Variants in PSME4 observed in about 807,000 individuals in gnomAD.
The protein encoded by PSME4 is proteasome activator subunit 4, also known as proteasome activator complex subunit 4.
In PSME4, 89 loss-of-function variants were observed where a neutral mutation model predicts 253.9. That is an observed-to-expected ratio of 0.35 (90% CI 0.30 to 0.42). PSME4 has a LOEUF of 0.42. Among genes scored for constraint, PSME4 ranks in the 10% least tolerant of loss-of-function variants. The probability of loss-of-function intolerance (pLI) is 1.00; values close to 1 mark genes in which losing one functional copy is unlikely to be tolerated. For missense variants in PSME4, 2,014 were observed against 2,195.2 expected (o/e 0.92, Z 1.65); for synonymous variants, 851 against 759.2 (o/e 1.12, Z -1.99).
chr2:53,876,389 G>A (rs1270921809), intron 41 of PSME4, among the ~76,000 whole-genome samples: 2 of 151,874 alleles, frequency 1.3e-5, no homozygotes, highest in East Asian at 3.9e-4. Context: ...GTATTCCTTG[G>A]CCCCAGTAAG....
At chr2:53,914,764 C>G (rs1326011816) in intron 20 of PSME4, among the ~76,000 whole-genome samples, 1 of 152,060 alleles carries the variant, frequency 6.6e-6, no homozygotes, top group African/African-American at 2.4e-5. Flanking sequence ...GCCTGTAATC[C>G]CAGCTACTCG....
At chr2:53,921,898 C>T (rs1280701532) in intron 17 of PSME4, among the ~76,000 whole-genome samples, 6 of 147,216 alleles carry the variant, frequency 4.1e-5, no homozygotes, top group East Asian at 4.1e-4. Context: ...TTGGGCCAGG[C>T]GCGGTGGCTC....
In PSME4 at chr2:53,908,774, A is replaced by G; in HGVS notation, c.2629+10T>C. 1 of 1,582,086 alleles carries G rather than the reference A, an allele frequency of 6.3e-7. No individual in the cohort carries two copies. Among genetic ancestry groups the G allele is most frequent in the Non-Finnish European group, 8.7e-7 (1 of 1,154,666 alleles). Reference sequence around the variant, plus strand: ...AAGTACAAATAAGTTAAATGTACAGATACACTTACTAAGAAGTTTCCTTAT... The same window carrying G: ...AAGTACAAATAAGTTAAATGTACAGGTACACTTACTAAGAAGTTTCCTTAT... On this transcript the variant is annotated intron_variant, in intron 22 of 46. Coordinates refer to ENST00000404125, the MANE Select transcript of PSME4 (RefSeq NM_014614.3).
chr2:53,917,428 T>C (rs1668110686), intron 20 of PSME4, among the ~76,000 whole-genome samples: 1 of 152,202 alleles, frequency 6.6e-6, no homozygotes, highest in Non-Finnish European at 1.5e-5. Context: ...TTTGTCATGA[T>C]GCACATTTAT....
At chr2:53,909,115 T>G (rs1261438478) in intron 21 of PSME4, among the ~76,000 whole-genome samples, 1 of 152,088 alleles carries the variant, frequency 6.6e-6, no homozygotes, top group Non-Finnish European at 1.5e-5. Flanking sequence ...TAAAACTTCA[T>G]GGGGCAAGAA....
rs183629992 is a variant in PSME4 at position 53,896,870 on chromosome 2, C to T, written c.3622G>A (p.Val1208Ile). ...TTTAGCTGTTTAAGGATACCAGCAA[C>T]AGCTGAGATAGCCATCTAGAAAAGG... Reference protein sequence around the residue: ...IVVRKMAISAVAGILKQLKRT... With the variant: ...IVVRKMAISAIAGILKQLKRT... The change falls in exon 32 of 47, where the codon GTT becomes ATT. Residue 1208 changes from valine to isoleucine, a missense_variant. Physicochemically the swap from Val to Ile is conservative, Grantham distance 29. This residue lies in a region of PSME4 where 989 missense variants were observed against 1,021.1 expected (regional missense o/e 0.97). Transcript: ENST00000404125. The T allele has an allele frequency of 1.2e-6, 2 of 1,611,546 alleles. No individual in the cohort carries two copies. Among genetic ancestry groups the T allele is most frequent in the Non-Finnish European group, 1.7e-6 (2 of 1,177,798 alleles).
intron 27 of PSME4, among the ~76,000 whole-genome samples, chr2:53,903,404 C>G (rs182747857): frequency 1.3e-5 from 2 of 152,266 alleles, no homozygotes. Flanking sequence ...CGTTCTCACT[C>G]TTAATTCACT....
chr2:53,927,576 TATCTTG>T, intron 11 of PSME4, 93 bp from the exon 12 acceptor site: 2 of 905,234 alleles, frequency 2.2e-6, no homozygotes, highest in Non-Finnish European at 3.6e-6. Context: ...CCCAATAAAT[TATCTTG>T]ATCAAAATCC....
chr2:53,949,120 G>T lies in PSME4; in HGVS notation c.383+23C>A, dbSNP rs369845179. 43 of 1,562,158 alleles carry T rather than the reference G, an allele frequency of 2.8e-5. No individual in the cohort carries two copies. In the African/African-American group the frequency reaches 4.4e-4, roughly 16 times the overall value. ...CTGAAGAAACAAACAAACCTTAACA[G>T]AAACCTCTGGAAAAAGACTTACTTT... is the stretch of plus-strand genomic sequence containing the variant. On this transcript the variant is annotated intron_variant, in intron 2 of 46. Coordinates refer to ENST00000404125, the MANE Select transcript of PSME4 (RefSeq NM_014614.3).
intron 1 of PSME4, among the ~76,000 whole-genome samples, chr2:53,964,818 T>C (rs1388207695): frequency 6.6e-6 from 1 of 152,192 alleles, no homozygotes; most frequent in African/African-American, 2.4e-5. Flanking sequence ...TTTCTGGTGG[T>C]TACATAATCT....
chr2:53,937,458 C>T lies in PSME4; in HGVS notation c.628G>A (p.Ala210Thr). The change falls in exon 5 of 47, where the codon GCC becomes ACC. Residue 210 changes from alanine to threonine, a missense_variant. Around this residue, in one of 4 missense-constraint regions of PSME4, gnomAD observed 615 missense variants for 594.4 expected, o/e 1.03. Transcript: ENST00000404125. The stretch of plus-strand genomic sequence containing the variant: ...AGAAATATTTCAAAATAAGTGATGG[C>T]CTTTTGCATGGTTACATCAAAAGGG... ...MCPFDVTMQK[A>T]ITYFEIFLPT... is the part of the protein sequence containing the mutation. 8 of 1,610,114 alleles carry T rather than the reference C, an allele frequency of 5.0e-6. No homozygotes were observed. The highest frequency in any genetic ancestry group is 2.2e-5 in the East Asian group (1 of 44,760).
At position 53,920,274 on chromosome 2, in the gene PSME4, G is replaced by A. The variant is rs1272342873; in HGVS notation, c.2339C>T (p.Ala780Val). Reference protein sequence around the residue: ...HVPSSEEVSFAFYLLDSFLQP... With the variant: ...HVPSSEEVSFVFYLLDSFLQP... Reference sequence around the variant, plus strand: ...AAGAAAGGAGTCCAAAAGATAAAAGGCAAAAGACACTTCTTCTGAAGAAGG... The same window carrying A: ...AAGAAAGGAGTCCAAAAGATAAAAGACAAAAGACACTTCTTCTGAAGAAGG... Residue 780 changes from alanine to valine, a missense_variant, in exon 19 of 47, where the codon GCC (alanine) becomes GTC (valine). Ala to Val is a moderately conservative substitution (Grantham distance 64). Around this residue, in one of 4 missense-constraint regions of PSME4, gnomAD observed 989 missense variants for 1,021.1 expected, o/e 0.97. Transcript: ENST00000404125. 1 of 1,613,788 alleles carries A rather than the reference G, an allele frequency of 6.2e-7. No homozygotes were observed. Among genetic ancestry groups the A allele is most frequent in the Admixed American group, 1.7e-5 (1 of 60,006 alleles).
chr2:53,933,375 C>CAAAAAAAAAAAAAAAAAAAAAAA (rs571833072), intron 8 of PSME4, among the ~76,000 whole-genome samples: 2 of 60,618 alleles, frequency 3.3e-5, no homozygotes, highest in East Asian at 4.3e-4. Flanking sequence ...GAGACCATCT[C>CAAAAAAAAAAAAAAAAAAAAAAA]AAAAAAAAAA....
At chr2:53,907,874 T>G (rs1320064748) in intron 24 of PSME4, 1 of 153,672 alleles carries the variant, frequency 6.5e-6, no homozygotes, top group Non-Finnish European at 1.4e-5. Context: ...AATTCTGCCA[T>G]GAACATCTCT....
At chr2:53,929,132 C>G (rs1342353118) in intron 10 of PSME4, among the ~76,000 whole-genome samples, 1 of 150,864 alleles carries the variant, frequency 6.6e-6, no homozygotes, top group African/African-American at 2.4e-5. Flanking sequence ...TGCCACTGCA[C>G]TCCAGCCTGG....
At chr2:53,952,758 A>C (rs909802943) in intron 1 of PSME4, among the ~76,000 whole-genome samples, 2 of 152,220 alleles carry the variant, frequency 1.3e-5, no homozygotes, top group Non-Finnish European at 2.9e-5. Context: ...ATGAGAATCT[A>C]ACATCATGGC....
chr2:53,946,517 T>C (rs917877269), intron 3 of PSME4, among the ~76,000 whole-genome samples: 1 of 152,178 alleles, frequency 6.6e-6, no homozygotes, highest in African/African-American at 2.4e-5. Context: ...GTCAAACCAG[T>C]ATAGGTCATG....
chr2:53,900,029 G>A lies in PSME4; in HGVS notation c.3286-12C>T. ...CATGACTTTGGAATCTTGTTAAAAA[G>A]AAAAAAGCAGGAAAAAAAATGAAGT... On this transcript the variant is annotated splice_polypyrimidine_tract_variant and intron_variant, in intron 28 of 46. Coordinates refer to ENST00000404125, the MANE Select transcript of PSME4 (RefSeq NM_014614.3). 6.2e-7 allele frequency: 1 copy of A among 1,600,876 alleles called. No individual in the cohort carries two copies. The highest frequency in any genetic ancestry group is 1.8e-5 in the Admixed American group (1 of 56,912).
intron 1 of PSME4, among the ~76,000 whole-genome samples, chr2:53,968,337 AAC>A (rs1454768027): frequency 6.6e-6 from 1 of 152,156 alleles, no homozygotes; most frequent in Non-Finnish European, 1.5e-5. Context: ...AGCATACTGA[AAC>A]ACATGATTAA....
Sources: allele counts gnomAD v4.1 joint callset (sites outside exome capture counted in the v4.1 genomes callset), GRCh38; gene constraint gnomAD v4.1.1; regional missense constraint gnomAD v4.1.1; transcripts MANE v1.5; gene names NCBI Gene and HGNC (gene_info 2026-07-23, HGNC 2026-07-21).